Variants in MPDZ observed in about 807,000 individuals in gnomAD.
The protein encoded by MPDZ is multiple PDZ domain crumbs cell polarity complex component.
A neutral mutation model predicts 239.1 loss-of-function variants in MPDZ; 234 were observed. That is an observed-to-expected ratio of 0.98 (90% CI 0.88 to 1.09). The LOEUF is 1.09. Among genes scored for constraint, MPDZ ranks in the 50% least tolerant of loss-of-function variants. The probability of loss-of-function intolerance (pLI) is 0.00; values close to 1 mark genes in which losing one functional copy is unlikely to be tolerated. For synonymous variants in MPDZ, 1,048 were observed against 881.3 expected (o/e 1.19, Z -3.35); for missense variants, 3,175 against 2,510.0 (o/e 1.26, Z -5.66).
intron 12 of MPDZ, among the ~76,000 whole-genome samples, chr9:13,198,879 T>A (rs898923044): frequency 1.3e-5 from 2 of 151,640 alleles, no homozygotes; most frequent in African/African-American, 4.8e-5. Context: ...CTATTTGGAG[T>A]CATTTGTGGG....
At chr9:13,236,229 A>G (rs59777538) in intron 3 of MPDZ, among the ~76,000 whole-genome samples, 468 of 26,272 alleles carry the variant, frequency 0.018, 20 homozygotes, top group South Asian at 0.03. Flanking sequence ...GTGTGTGTAT[A>G]TGTATATGTG....
At chr9:13,200,979 G>T (rs1956318500) in intron 12 of MPDZ, among the ~76,000 whole-genome samples, 1 of 151,960 alleles carries the variant, frequency 6.6e-6, no homozygotes, top group South Asian at 2.1e-4. Flanking sequence ...TTTCTGTCTG[G>T]ACAATCTGTC....
chr9:13,109,026 T>G lies in MPDZ; in HGVS notation c.5976A>C (p.Arg1992=). Residue 1992 remains arginine (R), a synonymous_variant, in exon 46 of 47, where the codon CGA becomes CGC. Coordinates refer to ENST00000319217, the MANE Select transcript of MPDZ (RefSeq NM_001378778.1). ...TACTGAAGCCTAAGCCATCTGGTCC[T>G]CGCTCTAGTGTAATAGACTTACATT... ...PPQCKSITLE[R]GPDGLGFSIV... The G allele has an allele frequency of 6.3e-7, 1 of 1,584,000 alleles. No homozygotes were observed. The highest frequency in any genetic ancestry group is 2.3e-5 in the East Asian group (1 of 43,902).
At chr9:13,113,110 T>C (rs1942775166) in intron 41 of MPDZ, 56 bp from the exon 42 acceptor site, 3 of 1,443,836 alleles carry the variant, frequency 2.1e-6, no homozygotes, top group Non-Finnish European at 2.8e-6. Flanking sequence ...ACTTTTTATG[T>C]TCGTTAAAAT....
At chr9:13,246,124 G>T (rs1966533122) in intron 3 of MPDZ, among the ~76,000 whole-genome samples, 1 of 152,080 alleles carries the variant, frequency 6.6e-6, no homozygotes, top group African/African-American at 2.4e-5. Flanking sequence ...TTCTCCAAAA[G>T]CTTACCAATC....
intron 1 of MPDZ, among the ~76,000 whole-genome samples, chr9:13,251,684 G>C (rs1391866383): frequency 2.0e-5 from 3 of 152,130 alleles, no homozygotes; most frequent in African/African-American, 4.8e-5. Flanking sequence ...TGGCAAAAAG[G>C]GAAGTATGTG....
chr9:13,188,934 A>C lies in MPDZ; in HGVS notation c.2214T>G (p.Ile738Met), dbSNP rs770825861. The change falls in exon 17 of 47, where the codon ATT (isoleucine) becomes ATG (methionine). Residue 738 changes from isoleucine (I) to methionine (M), a missense_variant. Physicochemically the swap from Ile to Met is conservative, Grantham distance 10. Coordinates refer to ENST00000319217, the MANE Select transcript of MPDZ (RefSeq NM_001378778.1). ...GAAGAAGTCGTCCATCCTTTTCAGC[A>C]ATGCCGCCAGGCACCAAAGAACGAA... ...IIIRSLVPGG[I>M]AEKDGRLLPG... 3 of 1,613,480 alleles carry C rather than the reference A, an allele frequency of 1.9e-6. No homozygotes were observed. In the Admixed American group the frequency reaches 5.0e-5, roughly 27 times the overall value.
chr9:13,114,786 G>A (rs1359293155), intron 40 of MPDZ, among the ~76,000 whole-genome samples: 1 of 152,010 alleles, frequency 6.6e-6, no homozygotes, highest in Non-Finnish European at 1.5e-5. Flanking sequence ...TGTAGTCCCA[G>A]CTACTCGGGA....
At chr9:13,118,481 T>G (rs982212813) in intron 39 of MPDZ, among the ~76,000 whole-genome samples, 7 of 152,178 alleles carry the variant, frequency 4.6e-5, no homozygotes, top group Non-Finnish European at 8.8e-5. Context: ...CCCCTTAGCG[T>G]ATTAGACCTC....
At chr9:13,147,501 T>C (rs371975690) in intron 26 of MPDZ, 47 bp downstream of exon 26, 1 of 1,426,342 alleles carries the variant, frequency 7.0e-7, no homozygotes, top group African/African-American at 1.4e-5. Context: ...AGATTCCAAG[T>C]TGAACACTGT....
In MPDZ at chr9:13,140,094, G is replaced by C. The variant is rs187434398; in HGVS notation, c.3896C>G (p.Pro1299Arg). 2.2e-4 allele frequency: 356 copies of C among 1,613,448 alleles called. 2 individuals are homozygous for C. The East Asian group carries it at 6.8e-3, about 31-fold the overall frequency. The change falls in exon 28 of 47, where the codon CCA (proline) becomes CGA (arginine). Residue 1299 changes from proline (P) to arginine (R), a missense_variant. Physicochemically the swap from Pro to Arg is moderately radical, Grantham distance 103. Coordinates refer to ENST00000319217, the MANE Select transcript of MPDZ (RefSeq NM_001378778.1). ...TTCGGCAAAGGCTGAAGGAGGGGGTGGGGGCACACTGCACAATGGAGCCTT... is the reference window on the plus strand; with the variant it reads ...TTCGGCAAAGGCTGAAGGAGGGGGTCGGGGCACACTGCACAATGGAGCCTT... The part of the protein sequence containing the change: ...PEKAPLCSVP[P>R]PPPSAFAEMG...
At chr9:13,120,293 T>TA (rs1330748655) in intron 38 of MPDZ, 5 of 151,946 alleles carry the variant, frequency 3.3e-5, no homozygotes, top group Non-Finnish European at 5.9e-5. Context: ...AAGATAACCA[T>TA]AAATAGAAAT....
At chr9:13,153,789 CTCTTT>C (rs556260431) in intron 24 of MPDZ, among the ~76,000 whole-genome samples, 4 of 151,648 alleles carry the variant, frequency 2.6e-5, no homozygotes, top group Non-Finnish European at 4.4e-5. Context: ...GACTCCTTAA[CTCTTT>C]TCTTAAGAAT....
At chr9:13,150,076 G>A (rs1215980190) in intron 25 of MPDZ, among the ~76,000 whole-genome samples, 2 of 151,710 alleles carry the variant, frequency 1.3e-5, no homozygotes, top group African/African-American at 4.8e-5. Context: ...CTACATTTTT[G>A]TGTGTACATA....
chr9:13,190,076 T>C (rs369272549), intron 16 of MPDZ, 38 bp downstream of exon 16: 12 of 1,555,684 alleles, frequency 7.7e-6, no homozygotes, highest in Middle Eastern at 1.7e-4. Flanking sequence ...ATAGCAACAA[T>C]AGGCCTTTAA....
At position 13,105,937 on chromosome 9, in the gene MPDZ, G is replaced by GT. The variant is rs1941406526; in HGVS notation, c.*1027dup. On this transcript the variant is annotated 3_prime_UTR_variant, in exon 47 of 47. Transcript: ENST00000319217. The stretch of plus-strand genomic sequence containing the variant: ...CTGTTTCCCTTAGTCTTAAACTATT[G>GT]TATTATAAGATGTTAATATAAGTCA... 1.3e-5 allele frequency: 2 copies of GT among 152,170 alleles called. No homozygotes were observed. The highest frequency in any genetic ancestry group is 4.8e-5 in the African/African-American group (2 of 41,514). 9.4% of individuals were successfully genotyped at this position (152,170 alleles called of 1,614,324 possible).
At chr9:13,155,600 G>A (rs1949720541) in intron 24 of MPDZ, among the ~76,000 whole-genome samples, 1 of 152,028 alleles carries the variant, frequency 6.6e-6, no homozygotes, top group East Asian at 1.9e-4. Context: ...TATCAATTGT[G>A]TAAAATGAAA....
chr9:13,166,244 G>A (rs1189200055), intron 22 of MPDZ, among the ~76,000 whole-genome samples: 1 of 152,084 alleles, frequency 6.6e-6, no homozygotes, highest in Non-Finnish European at 1.5e-5. Context: ...TTCCTTTTGG[G>A]AAGATTATTC....
In MPDZ at chr9:13,190,278, A is replaced by C; in HGVS notation, c.1990T>G (p.Phe664Val). The change falls in exon 16 of 47, where the codon TTC (phenylalanine) becomes GTC (valine). Residue 664 changes from phenylalanine (F) to valine (V), a missense_variant. Coordinates refer to ENST00000319217, the MANE Select transcript of MPDZ (RefSeq NM_001378778.1). Reference protein sequence around the residue: ...TEKPHVDLGEFIGSSETEDPV... With the variant: ...TEKPHVDLGEVIGSSETEDPV... The stretch of plus-strand genomic sequence containing the variant: ...TCCTCTGTCTCTGATGACCCGATGA[A>C]CTCACCTAGATCTACGTGAGGCTGG... The C allele has an allele frequency of 6.2e-7, 1 of 1,602,296 alleles. No homozygotes were observed. The highest frequency in any genetic ancestry group is 1.3e-5 in the African/African-American group (1 of 74,710).
Sources: gnomAD v4.1 joint callset for allele counts (sites outside exome capture counted in the v4.1 genomes callset) on GRCh38, gnomAD v4.1.1 for gene constraint, MANE v1.5 for transcripts, NCBI Gene and HGNC (gene_info 2026-07-23, HGNC 2026-07-21) for gene names.